The following PSPC1 variants were observed in gnomAD, a reference collection of about 807,000 sequenced individuals.
The protein encoded by PSPC1 is paraspeckle protein 1.
PSPC1 carries 14 observed loss-of-function variants against 51.6 expected under a neutral mutation model. The observed-to-expected ratio is 0.27, with a 90% CI of 0.18 to 0.42. PSPC1 has a LOEUF of 0.42. Among genes scored for constraint, PSPC1 ranks in the 10% least tolerant of loss-of-function variants. PSPC1 has a pLI of 1.00. For missense variants in PSPC1, 406 were observed against 701.1 expected (o/e 0.58, Z 4.75); for synonymous variants, 193 against 231.9 (o/e 0.83, Z 1.53).
At chr13:19,725,904 T>C (rs1311822593) in intron 6 of PSPC1, among the ~76,000 whole-genome samples, 3 of 152,164 alleles carry the variant, frequency 2.0e-5, no homozygotes, top group African/African-American at 4.8e-5. Context: ...TAGGCAACTG[T>C]AGTCCCACTA....
rs747084041 is a variant in PSPC1, at chr13:19,751,428, T to C, written c.810A>G (p.Thr270=). Residue 270 remains threonine, a synonymous_variant, in exon 4 of 9, where the codon ACA becomes ACG. Coordinates refer to ENST00000338910, the MANE Select transcript of PSPC1 (RefSeq NM_001354909.2). ...EQPPRFAQPG[T]FEFEYASRWK... ...ATCGAGATGCATACTCAAATTCAAA[T>C]GTCCCAGGTTGAGCAAAACGTGGTG... 6 of 1,561,024 alleles carry C rather than the reference T, an allele frequency of 3.8e-6. No individual in the cohort carries two copies. The highest frequency in any genetic ancestry group is 5.2e-6 in the Non-Finnish European group (6 of 1,160,338).
At chr13:19,705,957 C>A in intron 7 of PSPC1, 126 bp from the exon 8 acceptor site, 2 of 716,134 alleles carry the variant, frequency 2.8e-6, no homozygotes, top group Non-Finnish European at 4.2e-6. Context: ...CTTAAGAATG[C>A]GATATGCGTT....
downstream of PSPC1, chr13:19,674,676 G>A (rs1201695210): frequency 2.0e-5 from 3 of 152,246 alleles, no homozygotes; most frequent in African/African-American, 7.2e-5. Flanking sequence ...GCTCAAGGAG[G>A]ATGATTAGCA....
At chr13:19,688,087 T>C (rs1047535460) in intron 6 of PSPC1, among the ~76,000 whole-genome samples, 7 of 152,136 alleles carry the variant, frequency 4.6e-5, no homozygotes, top group Non-Finnish European at 8.8e-5. Flanking sequence ...CTCACTAAGA[T>C]AGATACTACT....
downstream of PSPC1, chr13:19,674,488 A>G (rs533028534): frequency 6.6e-6 from 1 of 152,322 alleles, no homozygotes; most frequent in South Asian, 2.1e-4. Context: ...CATTGTATGC[A>G]TTATACTGGG....
intron 1 of PSPC1, among the ~76,000 whole-genome samples, chr13:19,779,556 G>T (rs1277460240): frequency 4.0e-5 from 1 of 24,712 alleles, no homozygotes; most frequent in African/African-American, 1.2e-4. Flanking sequence ...GGAGGGAGGT[G>T]GGGGGGTCAG....
chr13:19,693,651 T>G (rs190545766), intron 6 of PSPC1, among the ~76,000 whole-genome samples: 1 of 152,142 alleles, frequency 6.6e-6, no homozygotes, highest in Non-Finnish European at 1.5e-5. Context: ...ATGTTATGGA[T>G]AGTATCAAGG....
chr13:19,731,875 T>C (rs1211617072), intron 5 of PSPC1, among the ~76,000 whole-genome samples: 1 of 152,174 alleles, frequency 6.6e-6, no homozygotes, highest in Non-Finnish European at 1.5e-5. Flanking sequence ...ATACTCAAGG[T>C]GTATGCCCTC....
chr13:19,701,080 T>C (rs1879850467), downstream of PSPC1, among the ~76,000 whole-genome samples: 1 of 152,342 alleles, frequency 6.6e-6, no homozygotes, highest in South Asian at 2.1e-4. Flanking sequence ...TGGGAAAAAG[T>C]TGTGTAGAAC....
intron 6 of PSPC1, among the ~76,000 whole-genome samples, chr13:19,686,500 T>C (rs760863536): frequency 2.6e-5 from 4 of 152,142 alleles, no homozygotes; most frequent in African/African-American, 4.8e-5. Flanking sequence ...TATACATCTA[T>C]GAATACAGAA....
At position 19,782,593 on chromosome 13, in the gene PSPC1, G is replaced by T. The variant is rs1890089385; in HGVS notation, c.165C>A (p.Asp55Glu). Reference sequence around the variant, plus strand: ...TGAACCCCATCTCCTCGTCCGGGTGGTCCTCTGGAGGCGCGGGCGCGGGCG... The same window carrying T: ...TGAACCCCATCTCCTCGTCCGGGTGTTCCTCTGGAGGCGCGGGCGCGGGCG... ...PAPPAPAPPE[D>E]HPDEEMGFTI... The change falls in exon 1 of 9, where the codon GAC (aspartate) becomes GAA (glutamate). Residue 55 changes from aspartate (D) to glutamate (E), a missense_variant. By Grantham distance (45) the Asp-to-Glu change is conservative. This residue lies in a region of PSPC1 where 128 missense variants were observed against 107.1 expected (regional missense o/e 1.20). Transcript: ENST00000338910. The surrounding 1 kb of genome is among the most constrained non-coding windows in gnomAD (Gnocchi z 4.5). 4 of 1,591,300 alleles carry T rather than the reference G, an allele frequency of 2.5e-6. No homozygotes were observed. Among genetic ancestry groups the T allele is most frequent in the Non-Finnish European group, 3.4e-6 (4 of 1,170,886 alleles).
rs145894754 is a variant in PSPC1 at position 19,692,292 on chromosome 13, C to T, written c.1159-14469G>A. ...GTTTGCGTCACCATGCCCGGCTACTCTTTTAGTAGAGATGGGGTTTTGCCA... is the reference window on the plus strand; with the variant it reads ...GTTTGCGTCACCATGCCCGGCTACTTTTTTAGTAGAGATGGGGTTTTGCCA... On this transcript the variant is annotated intron_variant and NMD_transcript_variant, in intron 6 of 7. Transcript: ENST00000471658. 4.6e-3 allele frequency among the ~76,000 whole-genome samples: 694 copies of T among 152,094 alleles called. 5 individuals are homozygous for T. The highest frequency in any genetic ancestry group is 0.027 in the South Asian group (129 of 4,820).
At position 19,769,510 on chromosome 13, in the gene PSPC1, G is replaced by A. The variant is rs1454140786; in HGVS notation, c.674+2732C>T. On this transcript the variant is annotated intron_variant, in intron 2 of 8. Coordinates refer to ENST00000338910, the MANE Select transcript of PSPC1 (RefSeq NM_001354909.2). ...GGAGCTTGAAGTGAGCTGAGATCGC[G>A]CCACTGCACTCCGGCCTGGGGGACA... Among the ~76,000 whole-genome samples the A allele has an allele frequency of 3.9e-5, 6 of 152,062 alleles. No individual in the cohort carries two copies. In the East Asian group the frequency reaches 5.8e-4, roughly 15 times the overall value.
intron 6 of PSPC1, among the ~76,000 whole-genome samples, chr13:19,720,691 C>A (rs527250465): frequency 6.6e-6 from 1 of 152,102 alleles, no homozygotes; most frequent in East Asian, 1.9e-4. Context: ...TGGTTAAAAT[C>A]ATATATAGAA....
At chr13:19,775,008 T>A (rs576110235) in intron 1 of PSPC1, among the ~76,000 whole-genome samples, 1 of 151,554 alleles carries the variant, frequency 6.6e-6, no homozygotes, top group African/African-American at 2.4e-5. Flanking sequence ...GACCTCTTCT[T>A]TATTCCTTTA....
At chr13:19,758,262 G>A (rs945260918) in intron 3 of PSPC1, among the ~76,000 whole-genome samples, 48 of 151,862 alleles carry the variant, frequency 3.2e-4, no homozygotes, top group African/African-American at 6.5e-4. Flanking sequence ...GCAGTGAGCC[G>A]AGATCGTGCC....
chr13:19,691,272 G>A lies in PSPC1; in HGVS notation c.1159-13449C>T, dbSNP rs575342833. On this transcript the variant is annotated intron_variant and NMD_transcript_variant, in intron 6 of 7. Transcript: ENST00000471658. ...ACAGTGGCTCACACGTGTGATCCCA[G>A]CACTTTGGGAGGCCAAGGCGGGAGG... 3.9e-5 allele frequency among the ~76,000 whole-genome samples: 6 copies of A among 152,346 alleles called. No individual in the cohort carries two copies. The South Asian group carries it at 1.2e-3, about 32-fold the overall frequency.
intron 6 of PSPC1, among the ~76,000 whole-genome samples, chr13:19,687,815 C>T (rs1878096098): frequency 6.6e-6 from 1 of 152,134 alleles, no homozygotes; most frequent in Non-Finnish European, 1.5e-5. Flanking sequence ...TATATAGTGA[C>T]TGCAATCTGA....
Position 19,730,765 on chromosome 13 carries a change from C to G in PSPC1, c.1053-421G>C, listed in dbSNP as rs372899383. 1.3e-3 allele frequency among the ~76,000 whole-genome samples: 196 copies of G among 151,902 alleles called. 1 individual carries two copies. The highest frequency in any genetic ancestry group is 4.4e-3 in the African/African-American group (184 of 41,400). On this transcript the variant is annotated intron_variant, in intron 5 of 8. Coordinates refer to ENST00000338910, the MANE Select transcript of PSPC1 (RefSeq NM_001354909.2). ...CTGAGGTCGGGAATTCAAGACCTGC[C>G]TGGCCAACATGGTGAAACCCTATCT...
Sources: gnomAD v4.1 joint callset for allele counts (sites outside exome capture counted in the v4.1 genomes callset) on GRCh38, gnomAD v4.1.1 for gene constraint, gnomAD v4.1.1 regional missense constraint, Gnocchi (gnomAD v3.1) non-coding constraint, MANE v1.5 for transcripts, NCBI Gene and HGNC (gene_info 2026-07-23, HGNC 2026-07-21) for gene names.